Variants in VAPB observed in about 807,000 individuals in gnomAD.
VAPB encodes VAMP associated protein B and C.
In VAPB, 7 loss-of-function variants were observed where a neutral mutation model predicts 25.6. The ratio of observed to expected loss-of-function variants is 0.27; its 90% CI spans 0.16 to 0.51. The LOEUF (loss-of-function observed/expected upper bound fraction) is 0.51, where lower values mean the gene tolerates loss of function less well. Among genes scored for constraint, VAPB ranks in the 20% least tolerant of loss-of-function variants. The probability of loss-of-function intolerance (pLI) is 0.97; values close to 1 mark genes in which losing one functional copy is unlikely to be tolerated. For missense variants in VAPB, 266 were observed against 301.3 expected, an observed-to-expected ratio of 0.88 and a Z score of 0.87; for synonymous variants, 112 against 109.2, an observed-to-expected ratio of 1.03 and a Z score of -0.16.
chr20:58,425,399 GAGCATGATTC>G (rs1988763094), intron 2 of VAPB, among the ~76,000 whole-genome samples: 1 of 152,364 alleles, frequency 6.6e-6, no homozygotes, highest in African/African-American at 2.4e-5. Context: ...TTTCTAGGGA[GAGCATGATTC>G]AGGAACGCTT....
Position 58,448,958 on chromosome 20 carries a change from T to C in VAPB, c.*4723T>C, listed in dbSNP as rs1989366902. The C allele has an allele frequency of 2.2e-6, 1 of 453,942 alleles. No individual in the cohort carries two copies. The highest frequency in any genetic ancestry group is 4.4e-6 in the Non-Finnish European group (1 of 226,790). 28.1% of individuals were successfully genotyped at this position (453,942 alleles called of 1,614,324 possible). On this transcript the variant is annotated 3_prime_UTR_variant, in exon 6 of 6. Transcript: ENST00000475243. ...TAAATTAAATGTGAATGAGGGCAGT[T>C]GATTAAAATTGGTATTACAGAAGGG...
chr20:58,436,542 G>T (rs1032196075), intron 3 of VAPB, among the ~76,000 whole-genome samples: 1 of 151,860 alleles, frequency 6.6e-6, no homozygotes. Flanking sequence ...GCCCAAGCTG[G>T]TCTCAAACTC....
rs573606914 is a variant in VAPB, at chr20:58,403,722, C to G, written c.58+14205C>G. ...CTTCCACTTCTGCACAGAAAACTTC[C>G]AAATCTCTATCTCCAAGCAAATCTT... On this transcript the variant is annotated intron_variant, in intron 1 of 5. Transcript: ENST00000475243. Among the ~76,000 whole-genome samples the G allele has an allele frequency of 5.3e-5, 8 of 152,302 alleles. No homozygotes were observed. The South Asian group carries it at 1.7e-3, about 32-fold the overall frequency.
chr20:58,417,074 C>T (rs1350385545), intron 1 of VAPB, among the ~76,000 whole-genome samples: 1 of 152,166 alleles, frequency 6.6e-6, no homozygotes, highest in Non-Finnish European at 1.5e-5. Context: ...TTCCTGTTTC[C>T]TTGCAAATGC....
At chr20:58,425,331 A>AGAAAAGCCAGCTGGTGGGG (rs2123070743) in intron 2 of VAPB, among the ~76,000 whole-genome samples, 1 of 152,322 alleles carries the variant, frequency 6.6e-6, no homozygotes, top group East Asian at 1.9e-4. Flanking sequence ...GTGGGACAGA[A>AGAAAAGCCAGCTGGTGGGG]GAAAAGCCAG....
In VAPB at chr20:58,395,085, T is replaced by C. The variant is rs141460332; in HGVS notation, c.58+5568T>C. On this transcript the variant is annotated intron_variant, in intron 1 of 5. Coordinates refer to ENST00000475243, the MANE Select transcript of VAPB (RefSeq NM_004738.5). Reference sequence around the variant, plus strand: ...ATTATATTGGTTATCACTCAAATACTACCCCTAGGCATGATTTTTAGAACC... The same window carrying C: ...ATTATATTGGTTATCACTCAAATACCACCCCTAGGCATGATTTTTAGAACC... Among the ~76,000 whole-genome samples, 20 of 152,154 alleles carry C rather than the reference T, an allele frequency of 1.3e-4. No homozygotes were observed. In the East Asian group the frequency reaches 3.9e-3, roughly 29 times the overall value.
At position 58,389,701 on chromosome 20, in the gene VAPB, G is replaced by A. The variant is rs553769939; in HGVS notation, c.58+184G>A. On this transcript the variant is annotated intron_variant, in intron 1 of 5. Transcript: ENST00000475243. Reference sequence around the variant, plus strand: ...TCCCCAGAACTGCCCGGAGTGGCCGGGACCCGAGAGGGCTGGTGCGGGAGC... The same window carrying A: ...TCCCCAGAACTGCCCGGAGTGGCCGAGACCCGAGAGGGCTGGTGCGGGAGC... Among the ~76,000 whole-genome samples the A allele has an allele frequency of 2.0e-5, 3 of 152,258 alleles. No individual in the cohort carries two copies. The South Asian group carries it at 6.2e-4, about 32-fold the overall frequency.
chr20:58,389,310 CCAGCGCGCCCACCCGGTAGAGGA>C lies in VAPB; in HGVS notation c.-148_-126del, dbSNP rs1568693286. The C allele has an allele frequency of 4.1e-6, 3 of 724,408 alleles. No homozygotes were observed. The highest frequency in any genetic ancestry group is 7.0e-6 in the Non-Finnish European group (3 of 427,582). 44.9% of individuals were successfully genotyped at this position (724,408 alleles called of 1,614,324 possible). ...CTGCACCGCGTAGACCGACCCCCCC[CCAGCGCGCCCACCCGGTAGAGGA>C]CCCCCGCCCGTGCCCCGACCGGTCC... On this transcript the variant is annotated 5_prime_UTR_variant, in exon 1 of 6. Transcript: ENST00000475243.
chr20:58,427,442 T>C (rs1299766222), intron 2 of VAPB, among the ~76,000 whole-genome samples: 1 of 150,936 alleles, frequency 6.6e-6, no homozygotes, highest in African/African-American at 2.4e-5. Flanking sequence ...ACGAAAGTGA[T>C]TCGTGATCTG....
chr20:58,414,438 G>T (rs902492078), intron 1 of VAPB, among the ~76,000 whole-genome samples: 1 of 151,226 alleles, frequency 6.6e-6, no homozygotes, highest in African/African-American at 2.4e-5. Context: ...CGGGGCAGCC[G>T]CCGGGCGGAG....
chr20:58,424,829 C>T (rs537917939), intron 2 of VAPB, among the ~76,000 whole-genome samples: 47 of 152,244 alleles, frequency 3.1e-4, no homozygotes, highest in Non-Finnish European at 4.7e-4. Context: ...ACAGAATACA[C>T]GAACTGGAAA....
chr20:58,437,657 G>A (rs2123094644), intron 3 of VAPB, among the ~76,000 whole-genome samples: 1 of 152,276 alleles, frequency 6.6e-6, no homozygotes, highest in East Asian at 1.9e-4. Context: ...TATGTGGTAG[G>A]CACACGTGTA....
At chr20:58,430,367 T>A (rs185456048) in intron 2 of VAPB, among the ~76,000 whole-genome samples, 100 of 151,880 alleles carry the variant, frequency 6.6e-4, no homozygotes, top group African/African-American at 2.3e-3. Flanking sequence ...GTTCAAGTGA[T>A]TCTCATGCCT....
Position 58,449,413 on chromosome 20 carries a change from A to C in VAPB, c.*5178A>C. 2.2e-6 allele frequency: 1 copy of C among 453,500 alleles called. No individual in the cohort carries two copies. The highest frequency in any genetic ancestry group is 1.6e-5 in the South Asian group (1 of 64,204). The allele number at this position is 453,500 out of a possible 1,614,324, so 28.1% of individuals were successfully genotyped here. ...AGAGAAACGGGTGGAGGTGGATGAG[A>C]GGTTGTCTTCATGAATATAATTACT... On this transcript the variant is annotated 3_prime_UTR_variant, in exon 6 of 6. Coordinates refer to ENST00000475243, the MANE Select transcript of VAPB (RefSeq NM_004738.5).
chr20:58,438,872 G>T lies in VAPB; in HGVS notation c.316-73G>T. The stretch of plus-strand genomic sequence containing the variant: ...TCATTAAGAGTATTTTTCTGAAATT[G>T]TCAGTTATAGGAAGAAAGTTATTCT... On this transcript the variant is annotated intron_variant, in intron 3 of 5. Transcript: ENST00000475243. 10 of 1,322,130 alleles carry T rather than the reference G, an allele frequency of 7.6e-6. No individual in the cohort carries two copies. In the South Asian group the frequency reaches 1.2e-4, roughly 16 times the overall value. 81.9% of individuals were successfully genotyped at this position (1,322,130 alleles called of 1,614,324 possible). A position where few individuals can be genotyped will look rare whatever the true frequency, so the allele number is the denominator to read the frequency against.
At position 58,440,933 on chromosome 20, in the gene VAPB, A is replaced by G; in HGVS notation, c.423A>G (p.Ile141Met). 1 of 1,613,928 alleles carries G rather than the reference A, an allele frequency of 6.2e-7. No homozygotes were observed. Among genetic ancestry groups the G allele is most frequent in the Non-Finnish European group, 8.5e-7 (1 of 1,179,906 alleles). ...ATGATGTAGAAATAAATAAAATTAT[A>G]TCCACAACTGCATCAAAGACAGAAA... is the stretch of plus-strand genomic sequence containing the variant. ...KPHDVEINKI[I>M]STTASKTETP... is the part of the protein sequence containing the mutation. The change falls in exon 5 of 6, where the codon ATA (isoleucine) becomes ATG (methionine). Residue 141 changes from isoleucine to methionine, a missense_variant. Around this residue, in one of 3 missense-constraint regions of VAPB, gnomAD observed 136 missense variants for 130.7 expected, o/e 1.04. Coordinates refer to ENST00000475243, the MANE Select transcript of VAPB (RefSeq NM_004738.5).
At chr20:58,408,160 G>A (rs1988277396) in intron 1 of VAPB, among the ~76,000 whole-genome samples, 1 of 152,078 alleles carries the variant, frequency 6.6e-6, no homozygotes, top group African/African-American at 2.4e-5. Flanking sequence ...TTGGCTTCTG[G>A]TGTGCCTTTG....
chr20:58,400,119 C>A (rs1988061546), intron 1 of VAPB, among the ~76,000 whole-genome samples: 1 of 152,194 alleles, frequency 6.6e-6, no homozygotes, highest in African/African-American at 2.4e-5. Context: ...CCGGGTCTTA[C>A]AGCCTCCCAA....
chr20:58,417,243 G>GA (rs1198077034), intron 1 of VAPB, among the ~76,000 whole-genome samples: 1 of 152,148 alleles, frequency 6.6e-6, no homozygotes, highest in African/African-American at 2.4e-5. Context: ...ATGGGTAAAT[G>GA]AAAAAAAGCA....
Sources: gnomAD v4.1 joint callset for allele counts (sites outside exome capture counted in the v4.1 genomes callset) on GRCh38, gnomAD v4.1.1 for gene constraint, gnomAD v4.1.1 regional missense constraint, MANE v1.5 for transcripts, NCBI Gene and HGNC (gene_info 2026-07-23, HGNC 2026-07-21) for gene names.